The following FRS2 variants were observed in gnomAD, a reference collection of about 807,000 sequenced individuals.
FRS2 encodes fibroblast growth factor receptor substrate 2.
Under a neutral mutation model 43.9 loss-of-function variants are expected in FRS2, and 8 were observed. The observed-to-expected ratio is 0.18, with a 90% confidence interval of 0.11 to 0.33. The LOEUF (loss-of-function observed/expected upper bound fraction) is 0.33, where lower values mean the gene tolerates loss of function less well. Ranked by LOEUF, FRS2 falls within the 10% of genes least tolerant of loss-of-function variation. The probability of loss-of-function intolerance (pLI) is 1.00; values close to 1 mark genes in which losing one functional copy is unlikely to be tolerated. For missense variants in FRS2, 534 were observed against 627.6 expected, an observed-to-expected ratio of 0.85 and a Z score of 1.59; for synonymous variants, 219 against 220.3, an observed-to-expected ratio of 0.99 and a Z score of 0.05.
At chr12:69,558,758 G>C (rs1879642244) in intron 3 of FRS2, among the ~76,000 whole-genome samples, 2 of 152,110 alleles carry the variant, frequency 1.3e-5, no homozygotes, top group African/African-American at 2.4e-5. Context: ...TTTCTTGTCT[G>C]TCTCTCCCAC....
intron 1 of FRS2, among the ~76,000 whole-genome samples, chr12:69,482,219 AT>A (rs1242607669): frequency 6.6e-6 from 1 of 152,234 alleles, no homozygotes; most frequent in African/African-American, 2.4e-5. Context: ...AGCAAAGGAA[AT>A]TCTAAAGCAT....
At chr12:69,481,937 T>C (rs1308255792) in intron 1 of FRS2, among the ~76,000 whole-genome samples, 1 of 151,874 alleles carries the variant, frequency 6.6e-6, no homozygotes, top group Non-Finnish European at 1.5e-5. Flanking sequence ...TTCTACTCTA[T>C]AGTTACTATT....
intron 1 of FRS2, among the ~76,000 whole-genome samples, chr12:69,530,363 G>T (rs1313602861): frequency 1.3e-5 from 2 of 151,584 alleles, no homozygotes; most frequent in Non-Finnish European, 2.9e-5. Flanking sequence ...TTCTGGTCCC[G>T]TGGTACAAAT....
intron 1 of FRS2, among the ~76,000 whole-genome samples, chr12:69,530,604 G>T (rs1005281113): frequency 2.0e-5 from 3 of 152,144 alleles, no homozygotes; most frequent in South Asian, 4.2e-4. Flanking sequence ...TTGGCTGGCC[G>T]TGGTGGCATG....
intron 1 of FRS2, among the ~76,000 whole-genome samples, chr12:69,505,931 A>G (rs1038835218): frequency 2.0e-5 from 3 of 152,080 alleles, no homozygotes; most frequent in Non-Finnish European, 4.4e-5. Context: ...GTTGATTGCA[A>G]TCCACCCCCG....
chr12:69,483,564 T>C (rs1871534838), intron 1 of FRS2, among the ~76,000 whole-genome samples: 1 of 152,110 alleles, frequency 6.6e-6, no homozygotes, highest in African/African-American at 2.4e-5. Context: ...CTTTTTCATA[T>C]ACATCTTCTA....
intron 3 of FRS2, 130 bp from the exon 4 acceptor site, chr12:69,562,050 T>C: frequency 2.6e-6 from 1 of 389,282 alleles, no homozygotes; most frequent in Middle Eastern, 6.5e-4. Context: ...TTAAATACTT[T>C]TTATTCAATC....
At chr12:69,489,555 A>G (rs1022159629) in intron 1 of FRS2, among the ~76,000 whole-genome samples, 2 of 151,980 alleles carry the variant, frequency 1.3e-5, no homozygotes, top group African/African-American at 4.8e-5. Context: ...CTGTAGTCCC[A>G]GCTACTCAGG....
chr12:69,527,702 A>T (rs940211532), intron 1 of FRS2, among the ~76,000 whole-genome samples: 30 of 152,202 alleles, frequency 2.0e-4, no homozygotes, highest in Non-Finnish European at 4.4e-5. Flanking sequence ...GAATTAACTA[A>T]TGTAAATATG....
chr12:69,486,858 A>G (rs1015305295), intron 1 of FRS2, among the ~76,000 whole-genome samples: 9 of 152,218 alleles, frequency 5.9e-5, no homozygotes, highest in African/African-American at 2.2e-4. Flanking sequence ...CTGTTCAATT[A>G]TATGAGGGCT....
chr12:69,472,008 G>C (rs966312309), intron 1 of FRS2, among the ~76,000 whole-genome samples: 6 of 152,188 alleles, frequency 3.9e-5, no homozygotes, highest in African/African-American at 1.4e-4. Context: ...AACAGGCAAA[G>C]GGTAGATGAT....
At chr12:69,557,632 G>A (rs12321298) in intron 3 of FRS2, among the ~76,000 whole-genome samples, 9 of 147,556 alleles carry the variant, frequency 6.1e-5, no homozygotes, top group East Asian at 2.0e-4. Context: ...GCGCGCGCGC[G>A]CGCGCAGGTG....
chr12:69,488,229 A>C (rs1271068323), intron 1 of FRS2, among the ~76,000 whole-genome samples: 1 of 152,194 alleles, frequency 6.6e-6, no homozygotes. Context: ...GCTACAGAGA[A>C]ATCTTTTGTG....
chr12:69,535,925 A>G (rs1593007910), intron 3 of FRS2, among the ~76,000 whole-genome samples: 1 of 152,096 alleles, frequency 6.6e-6, no homozygotes, highest in South Asian at 2.1e-4. Context: ...TAATTAAACA[A>G]TTTAGAATTA....
chr12:69,523,589 T>A (rs1592985938), intron 1 of FRS2, among the ~76,000 whole-genome samples: 1 of 152,186 alleles, frequency 6.6e-6, no homozygotes, highest in Non-Finnish European at 1.5e-5. Flanking sequence ...AGGTTAGTAT[T>A]GATATGTGTG....
At chr12:69,558,292 C>T (rs1298671493) in intron 3 of FRS2, among the ~76,000 whole-genome samples, 1 of 152,170 alleles carries the variant, frequency 6.6e-6, no homozygotes, top group Admixed American at 6.5e-5. Context: ...TGTTTTCTTA[C>T]CAATGTTAAG....
At chr12:69,493,027 A>G (rs919072379) in intron 1 of FRS2, among the ~76,000 whole-genome samples, 4 of 152,222 alleles carry the variant, frequency 2.6e-5, no homozygotes, top group African/African-American at 9.6e-5. Context: ...TTAAGTTTTG[A>G]AACTAAAGAC....
chr12:69,563,642 C>T (rs1383144887), intron 4 of FRS2, among the ~76,000 whole-genome samples: 1 of 152,224 alleles, frequency 6.6e-6, no homozygotes, highest in East Asian at 1.9e-4. Context: ...TCTGCAGCCT[C>T]TGCTGAGTTC....
intron 3 of FRS2, among the ~76,000 whole-genome samples, chr12:69,541,945 AT>A (rs1877949111): frequency 6.6e-6 from 1 of 151,982 alleles, no homozygotes; most frequent in South Asian, 2.1e-4. Context: ...ATTCTAACAA[AT>A]TTTTTATAAT....
Sources: gnomAD v4.1 joint callset for allele counts (sites outside exome capture counted in the v4.1 genomes callset) on GRCh38, gnomAD v4.1.1 for gene constraint, MANE v1.5 for transcripts, NCBI Gene and HGNC (gene_info 2026-07-23, HGNC 2026-07-21) for gene names.